PITPNM3: variants seen among roughly 807,000 people sequenced by gnomAD.
PITPNM3 encodes PITPNM family member 3.
A neutral mutation model predicts 102.0 loss-of-function variants in PITPNM3; 26 were observed. The observed-to-expected ratio is 0.25, with a 90% CI of 0.19 to 0.35. PITPNM3 has a LOEUF of 0.35. PITPNM3 is among the 10% of genes least tolerant of loss of function. PITPNM3 has a pLI of 1.00. For synonymous variants in PITPNM3, 578 were observed against 558.6 expected, an observed-to-expected ratio of 1.03 and a Z score of -0.49; for missense variants, 1,083 against 1,346.1, an observed-to-expected ratio of 0.80 and a Z score of 3.06.
intron 4 of PITPNM3, among the ~76,000 whole-genome samples, chr17:6,497,408 G>A (rs949847865): frequency 1.3e-5 from 2 of 152,202 alleles, no homozygotes; most frequent in African/African-American, 2.4e-5. Context: ...CATCTGAGCC[G>A]AGGACCCAAG....
At position 6,472,771 on chromosome 17, in the gene PITPNM3, G is replaced by A; in HGVS notation, c.1315C>T (p.Pro439Ser). Residue 439 changes from proline to serine, a missense_variant, in exon 11 of 20, where the codon CCC becomes TCC. Transcript: ENST00000262483. This position sits in a 1 kb window ranked among gnomAD's most constrained non-coding sequence, Gnocchi z 4.1. ...AGTGGCTCGAGCCGTGAGGCAGAGGGGTCTGCGCAATGGAAGAAGCTGTAG... is the reference window on the plus strand; with the variant it reads ...AGTGGCTCGAGCCGTGAGGCAGAGGAGTCTGCGCAATGGAAGAAGCTGTAG... ...QVYSFFHCADPSASRLEPLLE... is the reference protein window; with the variant it reads ...QVYSFFHCADSSASRLEPLLE... 1 of 1,614,164 alleles carries A rather than the reference G, an allele frequency of 6.2e-7. No homozygotes were observed. The highest frequency in any genetic ancestry group is 8.5e-7 in the Non-Finnish European group (1 of 1,180,012).
At position 6,464,306 on chromosome 17, in the gene PITPNM3, C is replaced by T. The variant is rs1466004838; in HGVS notation, c.2020G>A (p.Val674Ile). The T allele has an allele frequency of 6.2e-7, 1 of 1,613,782 alleles. No individual in the cohort carries two copies. Among genetic ancestry groups the T allele is most frequent in the Non-Finnish European group, 8.5e-7 (1 of 1,180,008 alleles). The part of the protein sequence containing the change: ...ALTGEKVDIL[V>I]MAEPSSGRWV... The stretch of plus-strand genomic sequence containing the variant: ...CGGCCTGAGGATGGCTCTGCCATTA[C>T]TAGGATGTCCACCTGCGGCAGTGAA... Residue 674 changes from valine (V) to isoleucine (I), a missense_variant, in exon 16 of 20, where the codon GTA becomes ATA. Transcript: ENST00000262483.
intron 3 of PITPNM3, among the ~76,000 whole-genome samples, chr17:6,511,885 C>T (rs1907884526): frequency 6.6e-6 from 1 of 152,112 alleles, no homozygotes; most frequent in African/African-American, 2.4e-5. Context: ...GTGGAGGTTT[C>T]AAGGAACTGA....
At position 6,478,316 on chromosome 17, in the gene PITPNM3, T is replaced by C. The variant is rs116389837; in HGVS notation, c.778-219A>G. Among the ~76,000 whole-genome samples, 2,042 of 152,248 alleles carry C rather than the reference T, an allele frequency of 0.013. 17 individuals carry two copies. Among genetic ancestry groups the C allele is most frequent in the Middle Eastern group, 0.051 (15 of 294 alleles). Reference sequence around the variant, plus strand: ...ACGGGGAGTAGGCTACTCTCAGGGGTCAGACTTGGGCTAGAGAGCAGCATG... The same window carrying C: ...ACGGGGAGTAGGCTACTCTCAGGGGCCAGACTTGGGCTAGAGAGCAGCATG... On this transcript the variant is annotated intron_variant, in intron 7 of 19. Coordinates refer to ENST00000262483, the MANE Select transcript of PITPNM3 (RefSeq NM_031220.4). This position sits in a 1 kb window ranked among gnomAD's most constrained non-coding sequence, Gnocchi z 4.4.
At chr17:6,510,155 G>A (rs1437353859) in intron 3 of PITPNM3, among the ~76,000 whole-genome samples, 1 of 152,114 alleles carries the variant, frequency 6.6e-6, no homozygotes, top group East Asian at 1.9e-4. Context: ...TTGCCTTCCT[G>A]GGCTAAATTC....
chr17:6,524,198 C>A (rs780021627), intron 3 of PITPNM3, among the ~76,000 whole-genome samples: 8 of 152,234 alleles, frequency 5.3e-5, no homozygotes, highest in Non-Finnish European at 1.2e-4. Context: ...TGGGCCAGGA[C>A]CATCTCACTG....
intron 4 of PITPNM3, among the ~76,000 whole-genome samples, chr17:6,497,188 G>C (rs1025361411): frequency 6.6e-6 from 1 of 152,192 alleles, no homozygotes; most frequent in Non-Finnish European, 1.5e-5. Context: ...GAGGCCAGCC[G>C]TGGGCAAGGG....
intron 2 of PITPNM3, among the ~76,000 whole-genome samples, chr17:6,535,210 G>A (rs1909346424): frequency 6.6e-6 from 1 of 152,054 alleles, no homozygotes; most frequent in South Asian, 2.1e-4. Flanking sequence ...TCAGGGTCAG[G>A]GTCAGGGTTC....
chr17:6,503,484 T>A, intron 4 of PITPNM3, 43 bp downstream of exon 4: 1 of 1,603,958 alleles, frequency 6.2e-7, no homozygotes, highest in Non-Finnish European at 8.5e-7. Context: ...CTTGCACCCA[T>A]CCAAGGGGAA....
intron 1 of PITPNM3, among the ~76,000 whole-genome samples, chr17:6,541,308 T>TGTGTGTGTGTGTGTGTGC (rs1011408818): frequency 6.6e-6 from 1 of 151,658 alleles, no homozygotes; most frequent in African/African-American, 2.4e-5. Flanking sequence ...TGTGTGTGTG[T>TGTGTGTGTGTGTGTGTGC]GTGTGTGTAT....
chr17:6,521,976 A>G (rs8064794), intron 3 of PITPNM3, among the ~76,000 whole-genome samples: 21,189 of 152,202 alleles, frequency 0.14, 3,914 homozygotes, highest in African/African-American at 0.43. Context: ...GAAACCATTC[A>G]CAGACAGTGA....
intron 3 of PITPNM3, among the ~76,000 whole-genome samples, chr17:6,521,674 CA>C (rs1400436910): frequency 6.6e-6 from 1 of 150,412 alleles, no homozygotes; most frequent in East Asian, 2.0e-4. Context: ...AATATATAAC[CA>C]AGCTTAAAAT....
chr17:6,467,071 A>AAAAAAAAAC (rs1904815269), intron 14 of PITPNM3, among the ~76,000 whole-genome samples: 4 of 18,048 alleles, frequency 2.2e-4, no homozygotes, highest in Admixed American at 1.9e-3. Context: ...TCAAAACAAA[A>AAAAAAAAAC]AAAAAAAACC....
chr17:6,523,380 A>G (rs555115085), intron 3 of PITPNM3, among the ~76,000 whole-genome samples: 1 of 152,300 alleles, frequency 6.6e-6, no homozygotes, highest in South Asian at 2.1e-4. Flanking sequence ...ACAGCCATGG[A>G]GTGGCATGGC....
chr17:6,527,563 CT>C (rs1567688957), intron 2 of PITPNM3, among the ~76,000 whole-genome samples: 2 of 152,290 alleles, frequency 1.3e-5, no homozygotes, highest in East Asian at 3.9e-4. Flanking sequence ...TTGTTGGCCC[CT>C]ATGACATTCT....
chr17:6,502,044 G>A (rs1907212201), intron 4 of PITPNM3, among the ~76,000 whole-genome samples: 1 of 152,236 alleles, frequency 6.6e-6, no homozygotes, highest in South Asian at 2.1e-4. Context: ...CCTTTCCATG[G>A]CCTGATGCCC....
chr17:6,478,863 C>A lies in PITPNM3; in HGVS notation c.588-127G>T. The A allele has an allele frequency of 1.1e-6, 1 of 933,778 alleles. No individual in the cohort carries two copies. Among genetic ancestry groups the A allele is most frequent in the South Asian group, 1.7e-5 (1 of 58,704 alleles). 57.8% of individuals were successfully genotyped at this position (933,778 alleles called of 1,614,324 possible). On this transcript the variant is annotated intron_variant, in intron 6 of 19. Coordinates refer to ENST00000262483, the MANE Select transcript of PITPNM3 (RefSeq NM_031220.4). The surrounding 1 kb of genome is among the most constrained non-coding windows in gnomAD (Gnocchi z 4.4). The stretch of plus-strand genomic sequence containing the variant: ...GGGCTCCAGGGACCCTTCAGGAAGA[C>A]CCAGGCAGGAGCCTGGTGACACAGA...
chr17:6,491,088 A>T (rs1455004465), intron 4 of PITPNM3, among the ~76,000 whole-genome samples: 1 of 31,836 alleles, frequency 3.1e-5, no homozygotes, highest in Non-Finnish European at 5.5e-5. Flanking sequence ...AGGGGAGGGG[A>T]AGGGAAGGGA....
rs775004695 is a variant in PITPNM3, at chr17:6,461,426, C to G, written c.2437G>C (p.Val813Leu). The G allele has an allele frequency of 6.2e-7, 1 of 1,614,040 alleles. No homozygotes were observed. The highest frequency in any genetic ancestry group is 1.7e-5 in the Admixed American group (1 of 60,010). ...GCCTTCTGCCGCAGCGGGTCATGCA[C>G]CAGCCCATCGGAGAAGAAGATCATG... ...QGMIFFSDGL[V>L]HDPLRQKAIF... The change falls in exon 18 of 20, where the codon GTG becomes CTG. Residue 813 changes from valine to leucine, a missense_variant. Physicochemically the swap from Val to Leu is conservative, Grantham distance 32. Transcript: ENST00000262483.
Sources: gnomAD v4.1 joint callset for allele counts (sites outside exome capture counted in the v4.1 genomes callset) on GRCh38, gnomAD v4.1.1 for gene constraint, Gnocchi (gnomAD v3.1) non-coding constraint, MANE v1.5 for transcripts, NCBI Gene and HGNC (gene_info 2026-07-23, HGNC 2026-07-21) for gene names.